LMBRD1: variants seen among roughly 807,000 people sequenced by gnomAD.
The protein encoded by LMBRD1 is LMBR1 domain containing 1, also known as lysosomal cobalamin transport escort protein LMBD1.
In LMBRD1, 64 loss-of-function variants were observed where a neutral mutation model predicts 74.8. That is an observed-to-expected ratio of 0.86 (90% CI 0.70 to 1.05). The LOEUF (loss-of-function observed/expected upper bound fraction) is 1.05. Ranked by LOEUF, LMBRD1 falls within the 50% of genes least tolerant of loss-of-function variation. LMBRD1 has a pLI of 0.00. For synonymous variants in LMBRD1, 204 were observed against 216.3 expected, an observed-to-expected ratio of 0.94 and a Z score of 0.50; for missense variants, 652 against 645.9, an observed-to-expected ratio of 1.01 and a Z score of -0.10.
intron 5 of LMBRD1, among the ~76,000 whole-genome samples, chr6:69,744,774 T>C (rs947787083): frequency 3.9e-5 from 6 of 152,154 alleles, no homozygotes; most frequent in African/African-American, 1.4e-4. Flanking sequence ...TCTTCCTACC[T>C]ACTATTTACA....
At chr6:69,689,628 A>C (rs1043015206) in intron 14 of LMBRD1, among the ~76,000 whole-genome samples, 7 of 152,136 alleles carry the variant, frequency 4.6e-5, no homozygotes, top group African/African-American at 1.4e-4. Flanking sequence ...AGATTTTCCT[A>C]AAGCAAGCAT....
chr6:69,707,273 T>C (rs1766279964), intron 9 of LMBRD1, among the ~76,000 whole-genome samples: 1 of 152,186 alleles, frequency 6.6e-6, no homozygotes, highest in Non-Finnish European at 1.5e-5. Flanking sequence ...GAAAGTTCTC[T>C]GCTTTTAAAG....
At chr6:69,717,003 T>C (rs1766506181) in intron 8 of LMBRD1, among the ~76,000 whole-genome samples, 1 of 151,844 alleles carries the variant, frequency 6.6e-6, no homozygotes, top group Admixed American at 6.6e-5. Context: ...GTCTATCTAA[T>C]CCCCAAATTC....
intron 3 of LMBRD1, among the ~76,000 whole-genome samples, chr6:69,752,594 T>C (rs1295090990): frequency 6.6e-6 from 1 of 152,180 alleles, no homozygotes; most frequent in African/African-American, 2.4e-5. Context: ...TACAGCAATT[T>C]CTAACAATAG....
At chr6:69,722,207 G>T (rs1254980918) in intron 7 of LMBRD1, among the ~76,000 whole-genome samples, 2 of 152,080 alleles carry the variant, frequency 1.3e-5, no homozygotes, top group Non-Finnish European at 2.9e-5. Context: ...TATCCTTCAA[G>T]TATGAAAGAT....
intron 14 of LMBRD1, among the ~76,000 whole-genome samples, chr6:69,685,960 G>A (rs1291630638): frequency 2.6e-5 from 4 of 152,090 alleles, no homozygotes; most frequent in South Asian, 4.1e-4. Flanking sequence ...GAGACATGAT[G>A]GAAAGGGGAT....
At chr6:69,765,910 G>A (rs1765465839) in intron 3 of LMBRD1, among the ~76,000 whole-genome samples, 1 of 151,800 alleles carries the variant, frequency 6.6e-6, no homozygotes, top group African/African-American at 2.4e-5. Flanking sequence ...CAGTTCATCT[G>A]AATTGTCTGT....
rs768026110 is a variant in LMBRD1, at chr6:69,699,040, T to C, written c.1338+3A>G. 1.6e-5 allele frequency: 25 copies of C among 1,562,648 alleles called. No individual in the cohort carries two copies. The South Asian group carries it at 2.6e-4, about 16-fold the overall frequency. On this transcript the variant is annotated splice_donor_region_variant and intron_variant, in intron 13 of 15. Transcript: ENST00000649934. ...ATAATCAAGTTTCAAATATTTCACT[T>C]ACCTCTATTAAGTAATTTTGGCTTC...
intron 3 of LMBRD1, among the ~76,000 whole-genome samples, chr6:69,768,522 A>AT (rs1765515859): frequency 2.6e-5 from 4 of 151,978 alleles, no homozygotes; most frequent in African/African-American, 9.7e-5. Context: ...TTCCCATCAT[A>AT]TATTTTATGT....
chr6:69,780,855 A>T (rs760421168), intron 2 of LMBRD1, among the ~76,000 whole-genome samples: 1 of 152,206 alleles, frequency 6.6e-6, no homozygotes, highest in East Asian at 1.9e-4. Context: ...GATCTCAGGG[A>T]AACAGAAAAT....
chr6:69,727,083 C>T (rs946715879), intron 7 of LMBRD1, among the ~76,000 whole-genome samples: 19 of 152,052 alleles, frequency 1.2e-4, no homozygotes, highest in African/African-American at 4.1e-4. Context: ...TTCTTGAACC[C>T]GGGTAGTGGA....
intron 8 of LMBRD1, among the ~76,000 whole-genome samples, chr6:69,716,428 T>A (rs1233038600): frequency 6.6e-6 from 1 of 152,172 alleles, no homozygotes; most frequent in Non-Finnish European, 1.5e-5. Context: ...TTTTGAGAAG[T>A]GTCTTGAGCA....
At chr6:69,682,394 C>G (rs1765682709) in intron 14 of LMBRD1, among the ~76,000 whole-genome samples, 1 of 151,748 alleles carries the variant, frequency 6.6e-6, no homozygotes, top group South Asian at 2.1e-4. Context: ...TTCAGAGTAA[C>G]CATTTTTAAG....
In LMBRD1 at chr6:69,777,534, A is replaced by C. The variant is rs562468823; in HGVS notation, c.307+2960T>G. On this transcript the variant is annotated intron_variant, in intron 3 of 15. Transcript: ENST00000649934. ...AATCCTTCTTATAAGTAACATCCCC[A>C]GTACTATTTATCAAAAGGCAGCTCA... Among the ~76,000 whole-genome samples the C allele has an allele frequency of 1.3e-4, 19 of 151,994 alleles. No individual in the cohort carries two copies. The South Asian group carries it at 3.9e-3, about 32-fold the overall frequency.
chr6:69,782,356 T>C (rs1765854569), intron 2 of LMBRD1, among the ~76,000 whole-genome samples: 1 of 152,194 alleles, frequency 6.6e-6, no homozygotes, highest in Non-Finnish European at 1.5e-5. Flanking sequence ...TCAGCAATTG[T>C]CCTAGCATTC....
intron 1 of LMBRD1, among the ~76,000 whole-genome samples, chr6:69,793,154 A>C (rs1349808188): frequency 2.0e-5 from 3 of 152,232 alleles, no homozygotes; most frequent in African/African-American, 7.2e-5. Context: ...AAAAGAAACA[A>C]ATATATAACT....
intron 4 of LMBRD1, among the ~76,000 whole-genome samples, chr6:69,751,026 T>C (rs1765136670): frequency 6.6e-6 from 1 of 152,068 alleles, no homozygotes; most frequent in Admixed American, 6.5e-5. Context: ...GATAAGACAT[T>C]TAGTCTTATT....
chr6:69,707,586 G>A (rs1417680371), intron 9 of LMBRD1, among the ~76,000 whole-genome samples: 2 of 151,942 alleles, frequency 1.3e-5, no homozygotes, highest in South Asian at 2.1e-4. Flanking sequence ...TTGAACTACT[G>A]TTTTAGGTGT....
Position 69,752,367 on chromosome 6 carries a change from AAAT to A in LMBRD1, c.308-14_308-12del, listed in dbSNP as rs1333763344. 3.1e-6 allele frequency: 5 copies of A among 1,598,178 alleles called. No individual in the cohort carries two copies. Among genetic ancestry groups the A allele is most frequent in the Non-Finnish European group, 4.3e-6 (5 of 1,166,444 alleles). The stretch of plus-strand genomic sequence containing the variant: ...TAACAGAATATAAAGCTGTGGAAAT[AAAT>A]AATAAACCGAGCTTTACTAAATACA... On this transcript the variant is annotated splice_polypyrimidine_tract_variant and intron_variant, in intron 3 of 15. Coordinates refer to ENST00000649934, the MANE Select transcript of LMBRD1 (RefSeq NM_018368.4).
Sources: allele counts gnomAD v4.1 joint callset (sites outside exome capture counted in the v4.1 genomes callset), GRCh38; gene constraint gnomAD v4.1.1; transcripts MANE v1.5; gene names NCBI Gene and HGNC (gene_info 2026-07-23, HGNC 2026-07-21).